The following FTCDNL1 variants were observed in gnomAD, a reference collection of about 807,000 sequenced individuals.
FTCDNL1 encodes the protein formiminotransferase cyclodeaminase N-terminal like.
Under a neutral mutation model 5.9 loss-of-function variants are expected in FTCDNL1, and 11 were observed. That is an observed-to-expected ratio of 1.87 (90% CI 1.18 to 3.10). FTCDNL1 has a LOEUF of 3.10. Ranked by LOEUF, FTCDNL1 falls within the 30% of genes most tolerant of loss-of-function variation. The pLI is 0.00. For synonymous variants in FTCDNL1, 58 were observed against 24.8 expected, an observed-to-expected ratio of 2.34 and a Z score of -3.99; for missense variants, 115 against 65.5, an observed-to-expected ratio of 1.76 and a Z score of -2.61.
intron 3 of FTCDNL1, among the ~76,000 whole-genome samples, chr2:199,841,872 T>TA (rs1291863232): frequency 1.3e-5 from 2 of 152,174 alleles, no homozygotes; most frequent in East Asian, 3.8e-4. Flanking sequence ...TTCTAAAACT[T>TA]AAAGCCAATC....
the FTCDNL1 span, among the ~76,000 whole-genome samples, chr2:199,751,046 G>C: frequency 6.6e-6 from 1 of 152,136 alleles, no homozygotes; most frequent in Non-Finnish European, 1.5e-5. Flanking sequence ...CATCTATCGA[G>C]AGACCCTATA....
chr2:199,777,480 T>C (rs1699150532), intron 3 of FTCDNL1, among the ~76,000 whole-genome samples: 1 of 152,156 alleles, frequency 6.6e-6, no homozygotes, highest in African/African-American at 2.4e-5. Flanking sequence ...TCAGTCTTTT[T>C]CTATTAAAGT....
the FTCDNL1 span, among the ~76,000 whole-genome samples, chr2:199,739,116 A>G: frequency 6.6e-6 from 1 of 152,226 alleles, no homozygotes; most frequent in African/African-American, 2.4e-5. Context: ...TGTTTCCTTA[A>G]AGTGTATGTC....
chr2:199,756,883 C>T (rs1006651729), downstream of FTCDNL1, among the ~76,000 whole-genome samples: 7 of 152,136 alleles, frequency 4.6e-5, no homozygotes, highest in Non-Finnish European at 8.8e-5. Flanking sequence ...TCTTCTGGCA[C>T]AGGGAAAGAG....
intron 3 of FTCDNL1, among the ~76,000 whole-genome samples, chr2:199,794,270 A>G (rs565311261): frequency 1.3e-5 from 2 of 152,230 alleles, no homozygotes; most frequent in Non-Finnish European, 2.9e-5. Context: ...TGGGCTGGCA[A>G]TATTTGCATA....
At chr2:199,801,838 T>G (rs1481929198) in intron 3 of FTCDNL1, among the ~76,000 whole-genome samples, 1 of 147,584 alleles carries the variant, frequency 6.8e-6, no homozygotes, top group Non-Finnish European at 1.5e-5. Flanking sequence ...TTCAGGAGGC[T>G]GAGGCAGGAG....
chr2:199,688,587 C>T, the FTCDNL1 span, among the ~76,000 whole-genome samples: 57 of 152,170 alleles, frequency 3.7e-4, no homozygotes, highest in Non-Finnish European at 7.1e-4. Context: ...GTGGACAAGG[C>T]TGTTCCCAGG....
intron 3 of FTCDNL1, among the ~76,000 whole-genome samples, chr2:199,782,512 G>A (rs1699417509): frequency 6.6e-6 from 1 of 152,150 alleles, no homozygotes; most frequent in African/African-American, 2.4e-5. Flanking sequence ...TTCTCTACTG[G>A]GAAGGTTCTT....
At chr2:199,712,869 C>G in the FTCDNL1 span, among the ~76,000 whole-genome samples, 1 of 152,154 alleles carries the variant, frequency 6.6e-6, no homozygotes, top group Admixed American at 6.5e-5. Context: ...AAGAGCTCAC[C>G]CTACTGCAGT....
At chr2:199,737,290 C>T in the FTCDNL1 span, among the ~76,000 whole-genome samples, 2 of 152,070 alleles carry the variant, frequency 1.3e-5, no homozygotes, top group Non-Finnish European at 2.9e-5. Flanking sequence ...ACATATAAAG[C>T]ACTTAATAAA....
intron 1 of FTCDNL1, among the ~76,000 whole-genome samples, chr2:199,850,477 A>T (rs899613437): frequency 6.6e-6 from 1 of 152,218 alleles, no homozygotes; most frequent in Non-Finnish European, 1.5e-5. Context: ...GGACAGCTAA[A>T]TCACACAAAG....
intron 3 of FTCDNL1, among the ~76,000 whole-genome samples, chr2:199,832,978 T>C (rs1217291433): frequency 6.6e-6 from 1 of 152,032 alleles, no homozygotes; most frequent in Non-Finnish European, 1.5e-5. Context: ...TAATTTTTTT[T>C]TTTTTTTTTA....
chr2:199,714,199 GA>G, the FTCDNL1 span, among the ~76,000 whole-genome samples: 1 of 152,208 alleles, frequency 6.6e-6, no homozygotes, highest in Admixed American at 6.5e-5. Context: ...CCTACTTTCT[GA>G]AAACAATGAG....
the FTCDNL1 span, among the ~76,000 whole-genome samples, chr2:199,706,053 A>G: frequency 6.6e-6 from 1 of 152,178 alleles, no homozygotes; most frequent in African/African-American, 2.4e-5. Flanking sequence ...TCTGATCTCC[A>G]TGTTTTCTGT....
the FTCDNL1 span, among the ~76,000 whole-genome samples, chr2:199,670,173 T>C: frequency 6.6e-6 from 1 of 152,194 alleles, no homozygotes; most frequent in African/African-American, 2.4e-5. Flanking sequence ...AGAAAGATAA[T>C]GGGTAGATAT....
chr2:199,723,566 C>T, the FTCDNL1 span, among the ~76,000 whole-genome samples: 1 of 152,020 alleles, frequency 6.6e-6, no homozygotes, highest in Admixed American at 6.6e-5. Flanking sequence ...CCTTCAATAC[C>T]TAGTTTATTG....
intron 3 of FTCDNL1, among the ~76,000 whole-genome samples, chr2:199,765,570 T>A (rs1698495788): frequency 7.5e-6 from 1 of 132,630 alleles, no homozygotes; most frequent in Non-Finnish European, 1.6e-5. Flanking sequence ...TTTTTTTTTT[T>A]TTTGGAGATG....
At chr2:199,694,732 G>T in the FTCDNL1 span, among the ~76,000 whole-genome samples, 5 of 152,150 alleles carry the variant, frequency 3.3e-5, no homozygotes, top group Admixed American at 3.3e-4. Flanking sequence ...TACTCAGGAG[G>T]TTGAGGCAGG....
At chr2:199,694,173 A>C in the FTCDNL1 span, among the ~76,000 whole-genome samples, 466 of 152,234 alleles carry the variant, frequency 3.1e-3, 3 homozygotes, top group Non-Finnish European at 5.0e-3. Context: ...TCAGCCTGGG[A>C]CCCTGCACTG....
Sources: gnomAD v4.1 joint callset for allele counts (sites outside exome capture counted in the v4.1 genomes callset) on GRCh38, gnomAD v4.1.1 for gene constraint, MANE v1.5 for transcripts, NCBI Gene and HGNC (gene_info 2026-07-23, HGNC 2026-07-21) for gene names.